The following MICAL2 variants were observed in gnomAD, a reference collection of about 807,000 sequenced individuals.
MICAL2 encodes [F-actin]-monooxygenase MICAL2.
MICAL2 carries 77 observed loss-of-function variants against 127.3 expected under a neutral mutation model. That is an observed-to-expected ratio of 0.60 (90% confidence interval 0.50 to 0.73). MICAL2 has a LOEUF of 0.73. Ranked by LOEUF, MICAL2 falls within the 30% of genes least tolerant of loss-of-function variation. The pLI, the probability that MICAL2 is intolerant of heterozygous loss-of-function variation, is 0.00. For missense variants in MICAL2, 1,351 were observed against 1,434.4 expected, an observed-to-expected ratio of 0.94 and a Z score of 0.94; for synonymous variants, 570 against 551.1, an observed-to-expected ratio of 1.03 and a Z score of -0.48.
In MICAL2 at chr11:12,227,517, A is replaced by C. The variant is rs535281242; in HGVS notation, c.1995+386A>C. On this transcript the variant is annotated intron_variant, in intron 15 of 27. Coordinates refer to ENST00000683283, the MANE Select transcript of MICAL2 (RefSeq NM_001282663.2). ...TTAGTGGCAGAAGTGCATGGTGATG[A>C]TGCTCTGTTTACACATCTGTTCCAT... is the stretch of plus-strand genomic sequence containing the variant. Among the ~76,000 whole-genome samples, 92 of 152,306 alleles carry C rather than the reference A, an allele frequency of 6.0e-4. 1 individual carries two copies. The South Asian group carries it at 0.018, about 31-fold the overall frequency.
chr11:12,112,336 C>A (rs1267854812), intron 1 of MICAL2, among the ~76,000 whole-genome samples: 3 of 152,168 alleles, frequency 2.0e-5, no homozygotes, highest in Non-Finnish European at 4.4e-5. Flanking sequence ...GTTCAACCTG[C>A]AAACCCCTTA....
chr11:12,226,554 G>A (rs1039924021), intron 14 of MICAL2, among the ~76,000 whole-genome samples, 184 bp downstream of exon 14: 3 of 151,960 alleles, frequency 2.0e-5, no homozygotes, highest in African/African-American at 7.3e-5. Flanking sequence ...GGATCTGTAT[G>A]CCATTTACAT....
chr11:12,128,118 T>C (rs534195511), intron 1 of MICAL2, among the ~76,000 whole-genome samples: 1 of 152,304 alleles, frequency 6.6e-6, no homozygotes, highest in African/African-American at 2.4e-5. Context: ...CCAAGTCAAA[T>C]GAAGAAAATA....
chr11:12,354,886 C>T, intron 34 of MICAL2: 1 of 1,602,184 alleles, frequency 6.2e-7, no homozygotes, highest in East Asian at 2.2e-5. Context: ...TTGTTGAGAA[C>T]TTCCCCCTAG....
intron 6 of MICAL2, among the ~76,000 whole-genome samples, chr11:12,211,882 C>A (rs1177197033): frequency 3.3e-5 from 5 of 152,158 alleles, no homozygotes; most frequent in African/African-American, 9.7e-5. Context: ...GTGGTGGCAA[C>A]CTGGGCAGGA....
intron 24 of MICAL2, among the ~76,000 whole-genome samples, chr11:12,269,962 G>A (rs1049765918): frequency 6.6e-6 from 1 of 152,228 alleles, no homozygotes; most frequent in African/African-American, 2.4e-5. Flanking sequence ...AAGATCCGTG[G>A]ACTCCTGTTC....
At chr11:12,347,685 A>T (rs1938976813) in intron 32 of MICAL2, among the ~76,000 whole-genome samples, 1 of 152,212 alleles carries the variant, frequency 6.6e-6, no homozygotes, top group Non-Finnish European at 1.5e-5. Context: ...GCAAATACTG[A>T]CATAGCATTT....
At chr11:12,335,198 G>A (rs965537286) in intron 32 of MICAL2, among the ~76,000 whole-genome samples, 29 of 150,806 alleles carry the variant, frequency 1.9e-4, no homozygotes, top group African/African-American at 6.6e-4. Context: ...TTTCTCTGAT[G>A]GCCAGTGATG....
exon 35 of MICAL2, chr11:12,358,437 A>G (rs763250307): frequency 5.6e-5 from 91 of 1,614,018 alleles, no homozygotes; most frequent in Non-Finnish European, 7.3e-5. Flanking sequence ...AGCACTTTGA[A>G]AGCTTCGTAT....
At chr11:12,287,904 C>A (rs770710252), downstream of MICAL2, among the ~76,000 whole-genome samples, 10 of 152,120 alleles carry the variant, frequency 6.6e-5, no homozygotes, top group Admixed American at 1.3e-4. Context: ...CACCTCCCCC[C>A]ACACCCACTC....
chr11:12,298,967 T>G (rs1864016317), intron 29 of MICAL2, among the ~76,000 whole-genome samples: 1 of 152,242 alleles, frequency 6.6e-6, no homozygotes, highest in Admixed American at 6.5e-5. Context: ...TGGCCTACAG[T>G]TCATTGATAT....
At chr11:12,329,272 T>C (rs1303938826) in intron 32 of MICAL2, among the ~76,000 whole-genome samples, 4 of 152,240 alleles carry the variant, frequency 2.6e-5, no homozygotes, top group Admixed American at 2.6e-4. Context: ...AGAGTCACTG[T>C]CCATCTCTAC....
chr11:12,127,405 C>T (rs1165311149), intron 1 of MICAL2, among the ~76,000 whole-genome samples: 1 of 152,240 alleles, frequency 6.6e-6, no homozygotes, highest in Non-Finnish European at 1.5e-5. Flanking sequence ...AACAAGATAA[C>T]ATCCCTTGCC....
intron 17 of MICAL2, among the ~76,000 whole-genome samples, chr11:12,240,198 G>A (rs767214971): frequency 1.2e-4 from 19 of 152,316 alleles, no homozygotes; most frequent in Non-Finnish European, 2.5e-4. Context: ...GTCTGATGGG[G>A]GTTAGTGTGA....
intron 3 of MICAL2, among the ~76,000 whole-genome samples, chr11:12,177,997 A>T (rs748941895): frequency 6.6e-5 from 10 of 152,288 alleles, no homozygotes; most frequent in South Asian, 6.2e-4. Flanking sequence ...TTGCATGCTG[A>T]TAAGATGCTT....
At chr11:12,137,225 C>A (rs747880771) in intron 1 of MICAL2, among the ~76,000 whole-genome samples, 3 of 152,336 alleles carry the variant, frequency 2.0e-5, no homozygotes, top group Admixed American at 2.0e-4. Context: ...GCAGGGCTGC[C>A]GCTTCTGCCC....
At chr11:12,196,575 G>A (rs1859962010) in intron 3 of MICAL2, among the ~76,000 whole-genome samples, 1 of 152,150 alleles carries the variant, frequency 6.6e-6, no homozygotes, top group South Asian at 2.1e-4. Flanking sequence ...CTGCAGGGCA[G>A]GAGAGAGTCA....
At chr11:12,232,269 C>T (rs1328525772) in intron 15 of MICAL2, among the ~76,000 whole-genome samples, 2 of 152,184 alleles carry the variant, frequency 1.3e-5, no homozygotes, top group African/African-American at 2.4e-5. Context: ...AACACTTTCA[C>T]ATACATCTCA....
In MICAL2 at chr11:12,213,252, C is replaced by A; in HGVS notation, c.692-3C>A. The A allele has an allele frequency of 6.3e-7, 1 of 1,599,856 alleles. No individual in the cohort carries two copies. The highest frequency in any genetic ancestry group is 1.1e-5 in the South Asian group (1 of 88,858). On this transcript the variant is annotated splice_region_variant and splice_polypyrimidine_tract_variant and intron_variant, in intron 6 of 27. Transcript: ENST00000683283. ...ACCCACTTTTTCATTTCTCCTCATGCAGGGTTCAGAAGAAAAGAATTCCGT... is the reference window on the plus strand; with the variant it reads ...ACCCACTTTTTCATTTCTCCTCATGAAGGGTTCAGAAGAAAAGAATTCCGT...
Sources: gnomAD v4.1 joint callset for allele counts (sites outside exome capture counted in the v4.1 genomes callset) on GRCh38, gnomAD v4.1.1 for gene constraint, MANE v1.5 for transcripts, NCBI Gene and HGNC (gene_info 2026-07-23, HGNC 2026-07-21) for gene names.